Variants in WNT2 observed in about 807,000 individuals in gnomAD.
The protein encoded by WNT2 is Wnt family member 2.
A neutral mutation model predicts 36.9 loss-of-function variants in WNT2; 12 were observed. The observed-to-expected ratio is 0.33, with a 90% CI of 0.21 to 0.53. The LOEUF is 0.53. Ranked by LOEUF, WNT2 falls within the 20% of genes least tolerant of loss-of-function variation. WNT2 has a pLI of 0.95. For missense variants in WNT2, 379 were observed against 473.1 expected (o/e 0.80, Z 1.84); for synonymous variants, 163 against 174.6 (o/e 0.93, Z 0.52).
chr7:117,304,870 T>C (rs576205139), intron 3 of WNT2, among the ~76,000 whole-genome samples: 48 of 152,294 alleles, frequency 3.2e-4, no homozygotes, highest in African/African-American at 1.1e-3. Context: ...TCCATCAGAG[T>C]AACAGTCCTG....
chr7:117,320,408 C>A, intron 2 of WNT2, 159 bp downstream of exon 2: 1 of 701,002 alleles, frequency 1.4e-6, no homozygotes, highest in Non-Finnish European at 2.4e-6. Context: ...TCCTTGATTT[C>A]TCTAGTCCTC....
intron 4 of WNT2, among the ~76,000 whole-genome samples, chr7:117,290,310 A>C (rs1183291520): frequency 6.6e-6 from 1 of 152,218 alleles, no homozygotes; most frequent in African/African-American, 2.4e-5. Flanking sequence ...TAGTTATTGG[A>C]GCAGGAGGAA....
chr7:117,306,418 A>G (rs1795015792), intron 3 of WNT2, among the ~76,000 whole-genome samples: 1 of 152,224 alleles, frequency 6.6e-6, no homozygotes, highest in African/African-American at 2.4e-5. Flanking sequence ...ATGGGAAGAG[A>G]AAGAATTAGA....
At chr7:117,311,856 C>T (rs573400349) in intron 3 of WNT2, among the ~76,000 whole-genome samples, 7 of 152,264 alleles carry the variant, frequency 4.6e-5, no homozygotes, top group East Asian at 3.9e-4. Context: ...TGAGAAAAAC[C>T]GAGATTCAAT....
chr7:117,287,300 G>A (rs1047248921), intron 4 of WNT2, among the ~76,000 whole-genome samples: 7 of 152,236 alleles, frequency 4.6e-5, no homozygotes, highest in East Asian at 3.9e-4. Flanking sequence ...AGCCAAGGTC[G>A]TGCCACTCTA....
intron 4 of WNT2, among the ~76,000 whole-genome samples, chr7:117,289,433 G>T (rs972808952): frequency 6.6e-6 from 1 of 152,056 alleles, no homozygotes; most frequent in Admixed American, 6.6e-5. Flanking sequence ...TCATGAATGC[G>T]CCTGAATATG....
chr7:117,316,531 G>T (rs1795223295), intron 2 of WNT2, among the ~76,000 whole-genome samples: 1 of 152,200 alleles, frequency 6.6e-6, no homozygotes, highest in South Asian at 2.1e-4. Flanking sequence ...GAACCACACA[G>T]CTGGGAGAGC....
chr7:117,315,690 G>A (rs73714628), intron 2 of WNT2, among the ~76,000 whole-genome samples: 44 of 152,330 alleles, frequency 2.9e-4, no homozygotes, highest in African/African-American at 9.1e-4. Flanking sequence ...TGTCCTAGAA[G>A]AGAGGAGCAT....
At position 117,284,968 on chromosome 7, in the gene WNT2, C is replaced by T. The variant is rs962693594; in HGVS notation, c.854-6584G>A. 3.3e-5 allele frequency among the ~76,000 whole-genome samples: 5 copies of T among 152,244 alleles called. No homozygotes were observed. Among genetic ancestry groups the T allele is most frequent in the Admixed American group, 1.3e-4 (2 of 15,290 alleles). ...TCTTGACAGTCGTGACATTCTGACC[C>T]TTTGCCGAGTGCCCAGTCCTGGTGC... On this transcript the variant is annotated intron_variant, in intron 4 of 4. Coordinates refer to ENST00000265441, the MANE Select transcript of WNT2 (RefSeq NM_003391.3). The surrounding 1 kb of genome is among the most constrained non-coding windows in gnomAD (Gnocchi z 5.2).
chr7:117,314,878 G>C (rs1345014295), intron 3 of WNT2, among the ~76,000 whole-genome samples, 193 bp downstream of exon 3: 1 of 152,222 alleles, frequency 6.6e-6, no homozygotes, highest in Non-Finnish European at 1.5e-5. Flanking sequence ...TAGGAAGGAA[G>C]GTGGAGTGTG....
chr7:117,285,510 G>C (rs1794563254), intron 4 of WNT2, among the ~76,000 whole-genome samples: 1 of 152,166 alleles, frequency 6.6e-6, no homozygotes, highest in South Asian at 2.1e-4. Context: ...TTCATTTGAA[G>C]ATTCTCTGAG....
chr7:117,321,742 A>T (rs1795333166), intron 1 of WNT2, among the ~76,000 whole-genome samples: 1 of 152,220 alleles, frequency 6.6e-6, no homozygotes, highest in South Asian at 2.1e-4. Flanking sequence ...AGCAATAAAT[A>T]ATGTTTATAC....
intron 4 of WNT2, among the ~76,000 whole-genome samples, chr7:117,294,661 A>T (rs1259491184): frequency 1.3e-5 from 2 of 151,952 alleles, no homozygotes; most frequent in African/African-American, 2.4e-5. Flanking sequence ...CCAATTTCAA[A>T]TTTTTTAAAG....
At chr7:117,311,806 A>G (rs1041255025) in intron 3 of WNT2, among the ~76,000 whole-genome samples, 1 of 152,186 alleles carries the variant, frequency 6.6e-6, no homozygotes, top group Non-Finnish European at 1.5e-5. Context: ...TCTGCCTTAC[A>G]CTTGTCTTCC....
intron 3 of WNT2, among the ~76,000 whole-genome samples, chr7:117,302,947 T>G (rs1424004279): frequency 1.3e-5 from 2 of 152,012 alleles, no homozygotes; most frequent in Non-Finnish European, 2.9e-5. Flanking sequence ...AAGGGTGAAA[T>G]TACTCCACAT....
chr7:117,296,165 AC>A (rs1794786091), intron 4 of WNT2, among the ~76,000 whole-genome samples: 1 of 152,190 alleles, frequency 6.6e-6, no homozygotes, highest in African/African-American at 2.4e-5. Flanking sequence ...GTATCCAAGC[AC>A]AGGTTTCATG....
intron 3 of WNT2, among the ~76,000 whole-genome samples, chr7:117,312,904 C>A (rs1311568651): frequency 1.3e-5 from 2 of 152,144 alleles, no homozygotes; most frequent in Non-Finnish European, 2.9e-5. Flanking sequence ...ACAGAGCAAT[C>A]TTAGAATAGA....
chr7:117,282,144 T>C (rs1465266712), intron 4 of WNT2, among the ~76,000 whole-genome samples: 2 of 152,150 alleles, frequency 1.3e-5, no homozygotes, highest in African/African-American at 4.8e-5. Flanking sequence ...TCATTGCTAT[T>C]AAAAGGAGGT....
intron 4 of WNT2, among the ~76,000 whole-genome samples, chr7:117,295,134 T>C (rs114760411): frequency 0.019 from 2,841 of 147,276 alleles, 91 homozygotes; most frequent in African/African-American, 0.064. Context: ...CGAGACGAGA[T>C]GAGATGAGAC....
Sources: allele counts gnomAD v4.1 joint callset (sites outside exome capture counted in the v4.1 genomes callset), GRCh38; gene constraint gnomAD v4.1.1; non-coding constraint Gnocchi (gnomAD v3.1); transcripts MANE v1.5; gene names NCBI Gene and HGNC (gene_info 2026-07-23, HGNC 2026-07-21).